The following NUP205 variants were observed in gnomAD, a reference collection of about 807,000 sequenced individuals.
NUP205 encodes the protein nucleoporin 205, also known as nuclear pore complex protein Nup205.
In NUP205, 76 loss-of-function variants were observed where a neutral mutation model predicts 253.8. The ratio of observed to expected loss-of-function variants is 0.30; its 90% CI spans 0.25 to 0.36. NUP205 has a LOEUF of 0.36. Ranked by LOEUF, NUP205 falls within the 10% of genes least tolerant of loss-of-function variation. The pLI is 1.00. For missense variants in NUP205, 2,162 were observed against 2,425.5 expected, an observed-to-expected ratio of 0.89 and a Z score of 2.28; for synonymous variants, 832 against 850.1, an observed-to-expected ratio of 0.98 and a Z score of 0.37.
intron 7 of NUP205, among the ~76,000 whole-genome samples, 197 bp downstream of exon 7, chr7:135,579,112 A>G (rs962169397): frequency 1.3e-5 from 2 of 152,148 alleles, no homozygotes; most frequent in Non-Finnish European, 2.9e-5. Flanking sequence ...CATATGAAAT[A>G]CTATTTCCCA....
chr7:135,597,228 A>T, intron 13 of NUP205, 140 bp from the exon 14 acceptor site: 1 of 573,086 alleles, frequency 1.7e-6, no homozygotes, highest in Non-Finnish European at 3.2e-6. Flanking sequence ...CCATCCAGGG[A>T]CTAATTGATT....
At position 135,592,899 on chromosome 7, in the gene NUP205, T is replaced by C. The variant is rs76481679; in HGVS notation, c.1625-88T>C. On this transcript the variant is annotated intron_variant, in intron 11 of 42. Coordinates refer to ENST00000285968, the MANE Select transcript of NUP205 (RefSeq NM_015135.3). ...GACTCTATCTCAAAAAAGAAAAAAG[T>C]ATATTGTTTTAAATTAATTTTCTCT... The C allele has an allele frequency of 0.12, 114,997 of 999,446 alleles. 7,362 individuals carry two copies. Among genetic ancestry groups the C allele is most frequent in the East Asian group, 0.16 (6,077 of 38,860 alleles). 61.9% of individuals were successfully genotyped at this position (999,446 alleles called of 1,614,324 possible). A position where few individuals can be genotyped will look rare whatever the true frequency, so the allele number is the denominator to read the frequency against.
chr7:135,620,331 C>T (rs569649298), intron 30 of NUP205, among the ~76,000 whole-genome samples: 4 of 152,242 alleles, frequency 2.6e-5, no homozygotes, highest in South Asian at 4.2e-4. Context: ...GTCAGGAGTT[C>T]GAGACCAGCT....
At chr7:135,565,594 G>A (rs975409115) in intron 1 of NUP205, among the ~76,000 whole-genome samples, 2 of 151,852 alleles carry the variant, frequency 1.3e-5, no homozygotes, top group Non-Finnish European at 2.9e-5. Context: ...CACCATGCCT[G>A]GCTAATTTTG....
intron 3 of NUP205, among the ~76,000 whole-genome samples, chr7:135,574,055 C>T (rs1295496987): frequency 6.6e-6 from 1 of 152,070 alleles, no homozygotes; most frequent in Non-Finnish European, 1.5e-5. Flanking sequence ...TCACTGCAAC[C>T]TCCACTTACC....
chr7:135,625,889 T>A (rs1794578650), intron 32 of NUP205, among the ~76,000 whole-genome samples: 1 of 152,190 alleles, frequency 6.6e-6, no homozygotes, highest in South Asian at 2.1e-4. Context: ...CAGGTATTTA[T>A]TAAATACCTG....
intron 42 of NUP205, among the ~76,000 whole-genome samples, chr7:135,647,383 C>T (rs528998718): frequency 1.2e-4 from 19 of 152,340 alleles, no homozygotes; most frequent in Non-Finnish European, 2.8e-4. Flanking sequence ...ACGCTCCCAT[C>T]CCAATCCAGA....
At chr7:135,598,488 G>T (rs114497174) in intron 15 of NUP205, among the ~76,000 whole-genome samples, 2,006 of 152,288 alleles carry the variant, frequency 0.013, 44 homozygotes, top group African/African-American at 0.046. Context: ...GGAACAAAAA[G>T]TGTCACATTT....
At chr7:135,583,938 T>A (rs913147460) in intron 7 of NUP205, among the ~76,000 whole-genome samples, 1 of 150,770 alleles carries the variant, frequency 6.6e-6, no homozygotes, top group Non-Finnish European at 1.5e-5. Context: ...GCCTTCTGGG[T>A]TCAAGCGATT....
intron 1 of NUP205, among the ~76,000 whole-genome samples, chr7:135,565,984 A>C (rs2129489552): frequency 6.6e-6 from 1 of 152,290 alleles, no homozygotes; most frequent in East Asian, 1.9e-4. Flanking sequence ...AGGCAGAGAA[A>C]TCTGATTTTT....
chr7:135,569,985 A>G (rs1004581872), intron 1 of NUP205, among the ~76,000 whole-genome samples: 1 of 144,794 alleles, frequency 6.9e-6, no homozygotes, highest in Non-Finnish European at 1.5e-5. Context: ...AGTTTATCTC[A>G]TTTGAAAAAC....
chr7:135,568,195 C>A (rs1462407727), intron 1 of NUP205, among the ~76,000 whole-genome samples: 2 of 151,632 alleles, frequency 1.3e-5, no homozygotes, highest in Non-Finnish European at 2.9e-5. Flanking sequence ...TGCACTCCAG[C>A]CTGGGTGACA....
At chr7:135,630,843 T>G (rs1461145854) in intron 35 of NUP205, among the ~76,000 whole-genome samples, 1 of 152,084 alleles carries the variant, frequency 6.6e-6, no homozygotes, top group Non-Finnish European at 1.5e-5. Context: ...GGAGGATTAC[T>G]TGAGTTGGGA....
Position 135,645,602 on chromosome 7 carries a change from C to T in NUP205, c.5812+6C>T, listed in dbSNP as rs773565304. On this transcript the variant is annotated splice_donor_region_variant and intron_variant, in intron 41 of 42. Transcript: ENST00000285968. ...TAAAAGCAGAAGACTGCAAGGTAAA[C>T]TTTCTGCTAAAAATTAATGAACCAT... The T allele has an allele frequency of 1.2e-6, 2 of 1,608,374 alleles. No individual in the cohort carries two copies.
intron 35 of NUP205, 71 bp from the exon 36 acceptor site, chr7:135,635,510 A>G (rs1554467922): frequency 2.3e-6 from 2 of 867,038 alleles, no homozygotes; most frequent in Non-Finnish European, 3.6e-6. Context: ...AAATATTAGA[A>G]CCTCTCTTCC....
At chr7:135,579,005 A>T (rs182192435) in intron 7 of NUP205, 90 bp downstream of exon 7, 1 of 948,338 alleles carries the variant, frequency 1.1e-6, no homozygotes, top group Non-Finnish European at 1.5e-6. Flanking sequence ...TGACATACAT[A>T]AGCATAAGCA....
intron 1 of NUP205, among the ~76,000 whole-genome samples, chr7:135,570,050 TATAGAGAGAGAGAGAG>T (rs1441127910): frequency 1.2e-4 from 11 of 88,920 alleles, no homozygotes; most frequent in East Asian, 8.6e-4. Flanking sequence ...TATATATATA[TATAGAGAGAGAGAGAG>T]AGAGAGAGAG....
At chr7:135,602,490 C>T (rs1483657507) in intron 17 of NUP205, among the ~76,000 whole-genome samples, 1 of 152,164 alleles carries the variant, frequency 6.6e-6, no homozygotes, top group Non-Finnish European at 1.5e-5. Context: ...GGCTCAGCCA[C>T]CCCATTCTGA....
chr7:135,594,713 C>T lies in NUP205; in HGVS notation c.1997C>T (p.Ser666Leu), dbSNP rs1193221033. 3 of 1,612,626 alleles carry T rather than the reference C, an allele frequency of 1.9e-6. No homozygotes were observed. Among genetic ancestry groups the T allele is most frequent in the Non-Finnish European group, 2.5e-6 (3 of 1,179,258 alleles). ...SPEIAASLWQ[S>L]LEYTQILQTV... ...GAAATTGCTGCTTCCCTCTGGCAGTCATTGGAATACACTCAGGTAGGGCTC... is the reference window on the plus strand; with the variant it reads ...GAAATTGCTGCTTCCCTCTGGCAGTTATTGGAATACACTCAGGTAGGGCTC... Residue 666 changes from serine to leucine, a missense_variant, in exon 13 of 43, where the codon TCA (serine) becomes TTA (leucine). Physicochemically the swap from Ser to Leu is moderately radical, Grantham distance 145. This residue lies in a region of NUP205 where 892 missense variants were observed against 957.1 expected (regional missense o/e 0.93). Coordinates refer to ENST00000285968, the MANE Select transcript of NUP205 (RefSeq NM_015135.3).
Sources: allele counts gnomAD v4.1 joint callset (sites outside exome capture counted in the v4.1 genomes callset), GRCh38; gene constraint gnomAD v4.1.1; regional missense constraint gnomAD v4.1.1; transcripts MANE v1.5; gene names NCBI Gene and HGNC (gene_info 2026-07-23, HGNC 2026-07-21).